The following CDH1 variants were observed in gnomAD, a reference collection of about 807,000 sequenced individuals.
CDH1 encodes the protein cadherin-1.
In CDH1, 35 loss-of-function variants were observed where a neutral mutation model predicts 84.5. The observed-to-expected ratio is 0.41, with a 90% CI of 0.32 to 0.55. CDH1 has a LOEUF of 0.55. CDH1 is among the 20% of genes least tolerant of loss of function. The probability of loss-of-function intolerance (pLI) is 0.19; values close to 1 mark genes in which losing one functional copy is unlikely to be tolerated. For missense variants in CDH1, 994 were observed against 1,126.6 expected (o/e 0.88, Z 1.68); for synonymous variants, 417 against 439.0 (o/e 0.95, Z 0.63).
chr16:68,742,060 T>A (rs1406683794), intron 2 of CDH1, among the ~76,000 whole-genome samples: 1 of 152,154 alleles, frequency 6.6e-6, no homozygotes, highest in African/African-American at 2.4e-5. Context: ...CAGTTTGGGA[T>A]CTCTGAAGTA....
chr16:68,762,360 G>C (rs1959241330), intron 2 of CDH1, among the ~76,000 whole-genome samples: 1 of 152,166 alleles, frequency 6.6e-6, no homozygotes, highest in African/African-American at 2.4e-5. Context: ...ACCAGGCTGG[G>C]TACTTGGGAA....
rs1960636057 is a variant in CDH1 at position 68,805,672 on chromosome 16, G to T, written c.388-2752G>T. Among the ~76,000 whole-genome samples, 5 of 152,192 alleles carry T rather than the reference G, an allele frequency of 3.3e-5. No homozygotes were observed. The South Asian group carries it at 1.0e-3, about 31-fold the overall frequency. On this transcript the variant is annotated intron_variant, in intron 3 of 15. Transcript: ENST00000261769. ...TGCAATGGCACAATCTCAGCTCACT[G>T]CAACCTCCACCTCCTGGGTTCAAGC...
chr16:68,815,021 T>C (rs1960945380), intron 9 of CDH1, among the ~76,000 whole-genome samples: 1 of 150,748 alleles, frequency 6.6e-6, no homozygotes, highest in African/African-American at 2.4e-5. Flanking sequence ...AGGTCAGGAG[T>C]TCGAGACCAG....
At chr16:68,789,557 C>T (rs1046295331) in intron 2 of CDH1, among the ~76,000 whole-genome samples, 24 of 151,110 alleles carry the variant, frequency 1.6e-4, no homozygotes, top group African/African-American at 4.4e-4. Flanking sequence ...GAAACATAAT[C>T]CACATAGCAT....
chr16:68,816,302 G>A (rs1469319976), intron 10 of CDH1, among the ~76,000 whole-genome samples: 3 of 152,136 alleles, frequency 2.0e-5, no homozygotes, highest in African/African-American at 4.8e-5. Context: ...GTGAGCCACC[G>A]CACCCAGCCC....
chr16:68,827,076 G>A (rs898361095), intron 13 of CDH1, among the ~76,000 whole-genome samples: 1 of 152,158 alleles, frequency 6.6e-6, no homozygotes, highest in African/African-American at 2.4e-5. Flanking sequence ...TTTGAGACCA[G>A]CCTGGGCAAC....
At position 68,808,583 on chromosome 16, in the gene CDH1, C is replaced by T. The variant is rs376565246; in HGVS notation, c.531+16C>T. The stretch of plus-strand genomic sequence containing the variant: ...CCTGGTTCAGGTAGAGAAAGAAGTT[C>T]TCTGTTTCTCTGGGAGGGATTTGGC... On this transcript the variant is annotated intron_variant, in intron 4 of 15. Coordinates refer to ENST00000261769, the MANE Select transcript of CDH1 (RefSeq NM_004360.5). 1.1e-5 allele frequency: 18 copies of T among 1,614,068 alleles called. No homozygotes were observed. The highest frequency in any genetic ancestry group is 1.4e-5 in the Non-Finnish European group (16 of 1,179,954).
chr16:68,766,921 T>C (rs553387759), intron 2 of CDH1, among the ~76,000 whole-genome samples: 1 of 151,714 alleles, frequency 6.6e-6, no homozygotes, highest in Admixed American at 6.6e-5. Flanking sequence ...TAGAGAAGGT[T>C]TCACCACGTT....
At chr16:68,825,908 C>T (rs1235760335) in intron 13 of CDH1, among the ~76,000 whole-genome samples, 3 of 149,508 alleles carry the variant, frequency 2.0e-5, no homozygotes, top group African/African-American at 7.5e-5. Flanking sequence ...CCTTGACTTC[C>T]GGGGCTCAGG....
intron 2 of CDH1, among the ~76,000 whole-genome samples, chr16:68,739,099 G>A (rs1426492474): frequency 2.6e-5 from 4 of 151,694 alleles, no homozygotes; most frequent in Admixed American, 6.6e-5. Flanking sequence ...ATGGGCATGT[G>A]CCACCACACC....
intron 3 of CDH1, among the ~76,000 whole-genome samples, chr16:68,802,500 G>A (rs528384727): frequency 4.0e-5 from 6 of 151,062 alleles, no homozygotes; most frequent in East Asian, 2.0e-4. Flanking sequence ...TTTTTAAGAC[G>A]TAGTCTCACT....
intron 2 of CDH1, among the ~76,000 whole-genome samples, chr16:68,751,813 A>T (rs183897211): frequency 4.0e-5 from 6 of 150,524 alleles, no homozygotes; most frequent in Non-Finnish European, 1.5e-5. Context: ...CAATTTATTT[A>T]TTTTTTGAGA....
At chr16:68,816,003 T>A (rs1052685904) in intron 10 of CDH1, among the ~76,000 whole-genome samples, 2 of 152,170 alleles carry the variant, frequency 1.3e-5, no homozygotes, top group African/African-American at 4.8e-5. Flanking sequence ...GAAATGCAAT[T>A]TTACTTTGCA....
rs546352385 is a variant in CDH1 at position 68,758,609 on chromosome 16, A to G, written c.163+20198A>G. ...TCAAGAATCGATCTCTAAAAAAACA[A>G]ATTAGTTTTTCTCATTAGATGTTTC... On this transcript the variant is annotated intron_variant, in intron 2 of 15. Transcript: ENST00000261769. 1.9e-4 allele frequency among the ~76,000 whole-genome samples: 27 copies of G among 141,728 alleles called. No homozygotes were observed. In the South Asian group the frequency reaches 5.4e-3, roughly 29 times the overall value. 93.0% of individuals were successfully genotyped at this position (141,728 alleles called of 152,430 possible). A position where few individuals can be genotyped will look rare whatever the true frequency, so the allele number is the denominator to read the frequency against.
At chr16:68,758,882 G>A (rs1470667740) in intron 2 of CDH1, among the ~76,000 whole-genome samples, 3 of 150,530 alleles carry the variant, frequency 2.0e-5, no homozygotes, top group Non-Finnish European at 2.9e-5. Flanking sequence ...TGCAACTTCC[G>A]CCTCCCGGGT....
chr16:68,835,218 CTTT>C lies in CDH1; in HGVS notation c.*1722_*1724del, dbSNP rs1961605100. 1 of 230,358 alleles carries C rather than the reference CTTT, an allele frequency of 4.3e-6. No homozygotes were observed. Among genetic ancestry groups the C allele is most frequent in the Admixed American group, 5.7e-5 (1 of 17,668 alleles). The allele number at this position is 230,358 out of a possible 1,614,324, so 14.3% of individuals were successfully genotyped here. A position where few individuals can be genotyped will look rare whatever the true frequency, so the allele number is the denominator to read the frequency against. The stretch of plus-strand genomic sequence containing the variant: ...GTAGTGAGGATCTTGATTTGGATCT[CTTT>C]TTATTTAAATGTGAATTTCAACTTT... On this transcript the variant is annotated 3_prime_UTR_variant, in exon 16 of 16. Transcript: ENST00000261769.
intron 12 of CDH1, 74 bp downstream of exon 12, chr16:68,822,299 C>T: frequency 2.0e-6 from 2 of 1,000,106 alleles, no homozygotes; most frequent in Non-Finnish European, 3.2e-6. Context: ...CCCCACCTTT[C>T]AATTTCCCTT....
chr16:68,826,994 G>T (rs1014442786), intron 13 of CDH1, among the ~76,000 whole-genome samples: 1 of 152,138 alleles, frequency 6.6e-6, no homozygotes, highest in Non-Finnish European at 1.5e-5. Context: ...GCTTCGGCCG[G>T]GCGTGGTGGC....
At position 68,738,398 on chromosome 16, in the gene CDH1, C is replaced by T. The variant is rs786201262; in HGVS notation, c.150C>T (p.Arg50=). 4.5e-6 allele frequency: 7 copies of T among 1,548,688 alleles called. No individual in the cohort carries two copies. The highest frequency in any genetic ancestry group is 2.4e-5 in the East Asian group (1 of 40,880). The part of the protein sequence containing the change: ...TVPRRHLERG[R]VLGRVNFEDC... ...CCCGGCGCCACCTGGAGAGAGGCCG[C>T]GTCCTGGGCAGAGGTGAGGGCGCGC... Residue 50 remains arginine, a synonymous_variant, in exon 2 of 16, where the codon CGC becomes CGT. Coordinates refer to ENST00000261769, the MANE Select transcript of CDH1 (RefSeq NM_004360.5).
Sources: gnomAD v4.1 joint callset for allele counts (sites outside exome capture counted in the v4.1 genomes callset) on GRCh38, gnomAD v4.1.1 for gene constraint, MANE v1.5 for transcripts, NCBI Gene and HGNC (gene_info 2026-07-23, HGNC 2026-07-21) for gene names.